ADGRA1: variants seen among roughly 807,000 people sequenced by gnomAD.
The protein encoded by ADGRA1 is G-protein coupled receptor 123.
In ADGRA1, 12 loss-of-function variants were observed where a neutral mutation model predicts 21.3. That is an observed-to-expected ratio of 0.56 (90% CI 0.36 to 0.91). The LOEUF (loss-of-function observed/expected upper bound fraction) is 0.91. Among genes scored for constraint, ADGRA1 ranks in the 40% least tolerant of loss-of-function variants. The pLI, the probability that ADGRA1 is intolerant of heterozygous loss-of-function variation, is 0.01. For missense variants in ADGRA1, 790 were observed against 805.6 expected, an observed-to-expected ratio of 0.98 and a Z score of 0.23; for synonymous variants, 385 against 368.8, an observed-to-expected ratio of 1.04 and a Z score of -0.50.
chr10:133,088,919 AC>A lies in ADGRA1; in HGVS notation c.3+8del, dbSNP rs1180779026. On this transcript the variant is annotated splice_region_variant and intron_variant, in intron 2 of 6. Transcript: ENST00000392607. ...CAACTTTGCAGCGCTCATGGTGAGT[AC>A]GGGGGTCCCGGGGGTCCTGCAGCTG... 1 of 1,242,324 alleles carries A rather than the reference AC, an allele frequency of 8.0e-7. No individual in the cohort carries two copies. Among genetic ancestry groups the A allele is most frequent in the East Asian group, 3.1e-5 (1 of 32,258 alleles). The allele number at this position is 1,242,324 out of a possible 1,614,324, so 77.0% of individuals were successfully genotyped here.
chr10:133,126,582 C>T (rs1007266559), intron 5 of ADGRA1, among the ~76,000 whole-genome samples: 1 of 152,182 alleles, frequency 6.6e-6, no homozygotes, highest in African/African-American at 2.4e-5. Context: ...CAAGTGCACC[C>T]GGTCCGGGAC....
Position 133,129,302 on chromosome 10 carries a change from G to T in ADGRA1, c.1474G>T (p.Ala492Ser), listed in dbSNP as rs1243418477. Residue 492 changes from alanine (A) to serine (S), a missense_variant, in exon 7 of 7, where the codon GCC (alanine) becomes TCC (serine). Around this residue, in one of 3 missense-constraint regions of ADGRA1, gnomAD observed 391 missense variants for 351.5 expected, o/e 1.11. Transcript: ENST00000392607. Reference sequence around the variant, plus strand: ...GCCCGAGGGCAGTGATGGGAGCCCTGCCCTCTACAGCTGCCCCACGCAGCC... The same window carrying T: ...GCCCGAGGGCAGTGATGGGAGCCCTTCCCTCTACAGCTGCCCCACGCAGCC... ...TQPEGSDGSP[A>S]LYSCPTQPGR... 2.6e-6 allele frequency: 4 copies of T among 1,553,566 alleles called. No homozygotes were observed. Among genetic ancestry groups the T allele is most frequent in the Non-Finnish European group, 3.5e-6 (4 of 1,149,598 alleles).
At chr10:133,093,662 C>T (rs1044132306) in intron 2 of ADGRA1, among the ~76,000 whole-genome samples, 6 of 152,206 alleles carry the variant, frequency 3.9e-5, no homozygotes, top group African/African-American at 7.2e-5. Context: ...CACCTTCATC[C>T]GCCCCTTCCC....
chr10:133,119,468 C>T (rs922292610), intron 5 of ADGRA1, among the ~76,000 whole-genome samples: 5 of 152,208 alleles, frequency 3.3e-5, no homozygotes, highest in East Asian at 1.9e-4. Flanking sequence ...CTCTGTAGCA[C>T]GTGGTGCTGT....
At chr10:133,124,591 G>A (rs1452603550) in intron 5 of ADGRA1, among the ~76,000 whole-genome samples, 1 of 152,252 alleles carries the variant, frequency 6.6e-6, no homozygotes, top group Non-Finnish European at 1.5e-5. Flanking sequence ...TCTGCCTGGG[G>A]CTTAGACGGG....
At chr10:133,093,149 T>C in intron 2 of ADGRA1, 1 of 1,596,572 alleles carries the variant, frequency 6.3e-7, no homozygotes, top group Non-Finnish European at 8.5e-7. Flanking sequence ...CAGTCGGAGC[T>C]GCAGACCTGG....
intron 5 of ADGRA1, among the ~76,000 whole-genome samples, chr10:133,103,361 C>T (rs1851834292): frequency 1.3e-5 from 2 of 152,232 alleles, no homozygotes; most frequent in South Asian, 4.1e-4. Flanking sequence ...AAACCTCACA[C>T]ACTCAGGCAC....
intron 5 of ADGRA1, among the ~76,000 whole-genome samples, chr10:133,115,943 G>C (rs1852148630): frequency 6.6e-6 from 1 of 152,016 alleles, no homozygotes; most frequent in Non-Finnish European, 1.5e-5. Context: ...CACCCAGCAA[G>C]ACCCTCTCCC....
At chr10:133,128,160 G>A (rs566090475) in intron 6 of ADGRA1, among the ~76,000 whole-genome samples, 169 bp from the exon 7 acceptor site, 10 of 148,528 alleles carry the variant, frequency 6.7e-5, no homozygotes, top group South Asian at 2.3e-4. Flanking sequence ...AATAGGGCCC[G>A]GTTCCCATCC....
chr10:133,096,203 G>A (rs1426884520), intron 2 of ADGRA1, among the ~76,000 whole-genome samples: 2 of 152,154 alleles, frequency 1.3e-5, no homozygotes, highest in Admixed American at 6.5e-5. Context: ...GCATGTTTCT[G>A]GGCTGATGCC....
chr10:133,095,528 GTCC>G, intron 2 of ADGRA1: 7 of 1,218,478 alleles, frequency 5.7e-6, no homozygotes, highest in Non-Finnish European at 7.8e-6. Context: ...CCTCGCACAG[GTCC>G]AGGCTCCTCG....
At chr10:133,099,376 G>C (rs1851751394) in intron 4 of ADGRA1, among the ~76,000 whole-genome samples, 1 of 152,198 alleles carries the variant, frequency 6.6e-6, no homozygotes, top group Non-Finnish European at 1.5e-5. Flanking sequence ...TGCCGCCTGA[G>C]TCACCAGGAG....
At chr10:133,119,672 C>T (rs1480108238) in intron 5 of ADGRA1, among the ~76,000 whole-genome samples, 1 of 152,258 alleles carries the variant, frequency 6.6e-6, no homozygotes, top group African/African-American at 2.4e-5. Flanking sequence ...TAAGAAGCAA[C>T]TCCTCACTGG....
At chr10:133,125,011 C>T (rs1189084290) in intron 5 of ADGRA1, among the ~76,000 whole-genome samples, 1 of 152,260 alleles carries the variant, frequency 6.6e-6, no homozygotes, top group East Asian at 1.9e-4. Context: ...TGGGTCCATC[C>T]TGGACACTTC....
In ADGRA1 at chr10:133,088,028, C is replaced by G; in HGVS notation, c.-313C>G. On this transcript the variant is annotated 5_prime_UTR_variant, in exon 1 of 7. Transcript: ENST00000392607. ...CAATCTGTTGATAACTCGGTCCCAGCTCGGCCGCTGCCCTCGCGAATGGAG... is the reference window on the plus strand; with the variant it reads ...CAATCTGTTGATAACTCGGTCCCAGGTCGGCCGCTGCCCTCGCGAATGGAG... 1.0e-6 allele frequency: 1 copy of G among 985,112 alleles called. No individual in the cohort carries two copies. The highest frequency in any genetic ancestry group is 1.2e-6 in the Non-Finnish European group (1 of 829,810). 61.0% of individuals were successfully genotyped at this position (985,112 alleles called of 1,614,324 possible).
At position 133,128,360 on chromosome 10, in the gene ADGRA1, G is replaced by A. The variant is rs376943659; in HGVS notation, c.532G>A (p.Ala178Thr). 4.3e-5 allele frequency: 67 copies of A among 1,565,416 alleles called. No homozygotes were observed. Among genetic ancestry groups the A allele is most frequent in the Admixed American group, 3.3e-4 (17 of 52,076 alleles). The change falls in exon 7 of 7, where the codon GCC becomes ACC. Residue 178 changes from alanine to threonine, a missense_variant. Ala to Thr is a moderately conservative substitution (Grantham distance 58). Transcript: ENST00000392607. ...CWMAWEPSLGAFYGPAAIITL... is the reference protein window; with the variant it reads ...CWMAWEPSLGTFYGPAAIITL... ...GATGGCCTGGGAGCCCAGCCTGGGC[G>A]CCTTCTACGGCCCAGCCGCCATCAT...
chr10:133,115,639 C>G (rs1170932480), intron 5 of ADGRA1, among the ~76,000 whole-genome samples: 1 of 152,150 alleles, frequency 6.6e-6, no homozygotes, highest in Non-Finnish European at 1.5e-5. Flanking sequence ...GAGGCCAGGA[C>G]CCCGCCGGCA....
intron 5 of ADGRA1, among the ~76,000 whole-genome samples, chr10:133,104,103 G>T (rs924804345): frequency 2.0e-5 from 3 of 152,238 alleles, no homozygotes; most frequent in Non-Finnish European, 2.9e-5. Context: ...ACGGTCTGAA[G>T]AATTCATTTC....
chr10:133,130,722 G>A lies in ADGRA1; in HGVS notation c.*1211G>A, dbSNP rs141820395. 1,426 of 140,032 alleles carry A rather than the reference G, an allele frequency of 0.01. 12 individuals carry two copies. The highest frequency in any genetic ancestry group is 0.037 in the South Asian group (156 of 4,228). 8.7% of individuals were successfully genotyped at this position (140,032 alleles called of 1,614,324 possible). ...AAACACATGTGCATATCACACACGC[G>A]CACACACCCAAACACGTGCATATCA... On this transcript the variant is annotated 3_prime_UTR_variant, in exon 7 of 7. Transcript: ENST00000392607.
Sources: allele counts gnomAD v4.1 joint callset (sites outside exome capture counted in the v4.1 genomes callset), GRCh38; gene constraint gnomAD v4.1.1; regional missense constraint gnomAD v4.1.1; transcripts MANE v1.5; gene names NCBI Gene and HGNC (gene_info 2026-07-23, HGNC 2026-07-21).